NRG4: variants seen among roughly 807,000 people sequenced by gnomAD.
The protein encoded by NRG4 is neuregulin 4, also known as pro-neuregulin-4, membrane-bound isoform.
NRG4 carries 10 observed loss-of-function variants against 15.0 expected under a neutral mutation model. The observed-to-expected ratio is 0.67, with a 90% CI of 0.41 to 1.13. The LOEUF (loss-of-function observed/expected upper bound fraction) is 1.13. NRG4 is among the 50% of genes most tolerant of loss of function. The probability of loss-of-function intolerance (pLI) is 0.00; values close to 1 mark genes in which losing one functional copy is unlikely to be tolerated. For missense variants in NRG4, 139 were observed against 140.2 expected (o/e 0.99, Z 0.04); for synonymous variants, 41 against 50.1 (o/e 0.82, Z 0.77).
chr15:76,039,095 A>T (rs1287228353), intron 4 of NRG4, among the ~76,000 whole-genome samples: 1 of 152,244 alleles, frequency 6.6e-6, no homozygotes, highest in African/African-American at 2.4e-5. Flanking sequence ...ATCTTAGATC[A>T]CAACACTCAA....
chr15:76,058,437 A>G (rs1480241707), intron 1 of NRG4, among the ~76,000 whole-genome samples: 1 of 151,370 alleles, frequency 6.6e-6, no homozygotes. Flanking sequence ...TCAGTTTGCC[A>G]AAAGTAGATA....
chr15:75,979,464 A>AT (rs1286753721), intron 3 of NRG4, among the ~76,000 whole-genome samples: 1 of 152,214 alleles, frequency 6.6e-6, no homozygotes, highest in African/African-American at 2.4e-5. Context: ...CACAAACAAG[A>AT]AAATTTTATC....
chr15:76,047,856 A>G (rs1237500213), intron 4 of NRG4, among the ~76,000 whole-genome samples: 1 of 151,210 alleles, frequency 6.6e-6, no homozygotes, highest in African/African-American at 2.5e-5. Flanking sequence ...TTAATAATTC[A>G]TCAAGAATTA....
rs374122255 is a variant in NRG4 at position 75,943,632 on chromosome 15, G to A, written c.*6C>T. The stretch of plus-strand genomic sequence containing the variant: ...AAACAATGATTTGGTTCACTTTGAC[G>A]TTTCTTCAGTGTTGTTCATGACCTG... On this transcript the variant is annotated 3_prime_UTR_variant, in exon 6 of 6. Transcript: ENST00000394907. The A allele has an allele frequency of 2.2e-5, 34 of 1,559,166 alleles. No homozygotes were observed. The highest frequency in any genetic ancestry group is 1.1e-4 in the African/African-American group (8 of 73,708).
rs114286692 is a variant in NRG4, at chr15:76,007,244, A to G, written c.104+1956T>C. On this transcript the variant is annotated intron_variant, in intron 3 of 5. Transcript: ENST00000394907. ...CGTTTATCAAGACTGGTATTGGTGAAAAGACAGGAAACATAGATCAACAGA... is the reference window on the plus strand; with the variant it reads ...CGTTTATCAAGACTGGTATTGGTGAGAAGACAGGAAACATAGATCAACAGA... Among the ~76,000 whole-genome samples, 1,078 of 152,254 alleles carry G rather than the reference A, an allele frequency of 7.1e-3. 19 individuals carry two copies. Among genetic ancestry groups the G allele is most frequent in the African/African-American group, 0.024 (988 of 41,534 alleles).
intron 3 of NRG4, among the ~76,000 whole-genome samples, chr15:75,992,928 A>G (rs1221275842): frequency 6.7e-6 from 1 of 148,474 alleles, no homozygotes; most frequent in East Asian, 2.0e-4. Flanking sequence ...TTTTTTTTTT[A>G]CCACTTTTTA....
intron 3 of NRG4, among the ~76,000 whole-genome samples, chr15:75,970,740 C>T (rs551746251): frequency 1.2e-4 from 18 of 152,334 alleles, no homozygotes; most frequent in Non-Finnish European, 2.4e-4. Flanking sequence ...GAAAGTGAGA[C>T]AGCAAGAAAA....
intron 3 of NRG4, among the ~76,000 whole-genome samples, chr15:75,993,217 T>C (rs1382478329): frequency 6.6e-6 from 1 of 151,736 alleles, no homozygotes; most frequent in African/African-American, 2.4e-5. Context: ...GCTTGGTGTT[T>C]GTTGAGCTTA....
chr15:76,013,778 T>A (rs906049123), upstream of NRG4, among the ~76,000 whole-genome samples: 1 of 152,220 alleles, frequency 6.6e-6, no homozygotes, highest in Non-Finnish European at 1.5e-5. Context: ...GTCTTTGCTA[T>A]TGTGAACAGT....
chr15:75,986,689 A>G (rs2033812210), intron 3 of NRG4, among the ~76,000 whole-genome samples: 1 of 152,238 alleles, frequency 6.6e-6, no homozygotes, highest in Non-Finnish European at 1.5e-5. Flanking sequence ...CATATAAATT[A>G]TCAATTTAAA....
chr15:75,995,816 C>A (rs1191458052), intron 3 of NRG4, among the ~76,000 whole-genome samples: 1 of 152,170 alleles, frequency 6.6e-6, no homozygotes, highest in Non-Finnish European at 1.5e-5. Context: ...GCAAGGGACA[C>A]TCACAGAAAG....
intron 3 of NRG4, among the ~76,000 whole-genome samples, chr15:75,989,856 G>A (rs1353999589): frequency 6.6e-6 from 1 of 152,076 alleles, no homozygotes; most frequent in Non-Finnish European, 1.5e-5. Context: ...TTGAGTGCTA[G>A]ATTTTGTTGT....
chr15:75,997,096 A>G lies in NRG4; in HGVS notation c.104+12104T>C, dbSNP rs181561672. On this transcript the variant is annotated intron_variant, in intron 3 of 5. Transcript: ENST00000394907. ...TTGAGATTTCCAGAGAGCTGATGTTATACATTTAATGAGAGAAAAAAATAT... is the reference window on the plus strand; with the variant it reads ...TTGAGATTTCCAGAGAGCTGATGTTGTACATTTAATGAGAGAAAAAAATAT... 1.8e-4 allele frequency among the ~76,000 whole-genome samples: 27 copies of G among 152,246 alleles called. 1 individual carries two copies. The East Asian group carries it at 5.2e-3, about 29-fold the overall frequency.
intron 5 of NRG4, chr15:75,950,887 CTTT>C (rs1014201793): frequency 1.6e-5 from 3 of 183,024 alleles, no homozygotes; most frequent in African/African-American, 7.0e-5. Context: ...CTCCCTTTTG[CTTT>C]TTATCCATTT....
intron 4 of NRG4, among the ~76,000 whole-genome samples, chr15:76,037,801 T>C (rs2035628615): frequency 6.6e-6 from 1 of 152,158 alleles, no homozygotes; most frequent in Admixed American, 6.5e-5. Flanking sequence ...ACAAGCTGTA[T>C]TGCCTGGTGT....
chr15:75,956,814 GA>G (rs1246508522), intron 4 of NRG4, among the ~76,000 whole-genome samples: 1 of 152,122 alleles, frequency 6.6e-6, no homozygotes, highest in African/African-American at 2.4e-5. Flanking sequence ...AACTATTACA[GA>G]AAACAATTTC....
At chr15:76,008,173 T>A (rs1266199807) in intron 3 of NRG4, among the ~76,000 whole-genome samples, 2 of 152,206 alleles carry the variant, frequency 1.3e-5, no homozygotes, top group African/African-American at 4.8e-5. Context: ...AAGAAGAGTA[T>A]ACTGCTGAGG....
chr15:75,986,628 G>A (rs991905722), intron 3 of NRG4, among the ~76,000 whole-genome samples: 1 of 151,992 alleles, frequency 6.6e-6, no homozygotes, highest in Non-Finnish European at 1.5e-5. Flanking sequence ...AGAAGTGGGT[G>A]GAAATAACAA....
chr15:76,046,996 C>A lies in NRG4; in HGVS notation c.-105+5071G>T, dbSNP rs1325053363. ...ACATATAATCTGATTTTTAAATGGG[C>A]AAAAGACTTGAACAGACATTTCTCA... On this transcript the variant is annotated intron_variant, in intron 4 of 8. Transcript: ENST00000563910. 3.1e-4 allele frequency among the ~76,000 whole-genome samples: 47 copies of A among 150,452 alleles called. 1 individual carries two copies. Among genetic ancestry groups the A allele is most frequent in the Non-Finnish European group, 4.4e-5 (3 of 67,770 alleles).
Sources: allele counts gnomAD v4.1 joint callset (sites outside exome capture counted in the v4.1 genomes callset), GRCh38; gene constraint gnomAD v4.1.1; transcripts MANE v1.5; gene names NCBI Gene and HGNC (gene_info 2026-07-23, HGNC 2026-07-21).